Variants in TPRG1 observed in about 807,000 individuals in gnomAD.
TPRG1 encodes tumor protein p63 regulated 1.
In TPRG1, 29 loss-of-function variants were observed where a neutral mutation model predicts 29.3. The observed-to-expected ratio is 0.99, with a 90% confidence interval of 0.74 to 1.35. TPRG1 has a LOEUF of 1.35. Ranked by LOEUF, TPRG1 falls within the 40% of genes most tolerant of loss-of-function variation. The probability of loss-of-function intolerance (pLI) is 0.00; values close to 1 mark genes in which losing one functional copy is unlikely to be tolerated. For synonymous variants in TPRG1, 130 were observed against 116.8 expected, an observed-to-expected ratio of 1.11 and a Z score of -0.73; for missense variants, 327 against 335.0, an observed-to-expected ratio of 0.98 and a Z score of 0.19.
At chr3:189,181,159 C>T (rs1437835029) in intron 1 of TPRG1, among the ~76,000 whole-genome samples, 1 of 152,146 alleles carries the variant, frequency 6.6e-6, no homozygotes, top group African/African-American at 2.4e-5. Flanking sequence ...CACTAAACCA[C>T]TTTTTCCTCT....
At chr3:189,181,796 C>A (rs1730258582) in intron 1 of TPRG1, among the ~76,000 whole-genome samples, 1 of 152,176 alleles carries the variant, frequency 6.6e-6, no homozygotes, top group Non-Finnish European at 1.5e-5. Flanking sequence ...GCACCCTACT[C>A]TACTAGTACC....
chr3:189,231,643 A>G (rs1028939712), intron 3 of TPRG1, among the ~76,000 whole-genome samples: 1 of 152,172 alleles, frequency 6.6e-6, no homozygotes, highest in South Asian at 2.1e-4. Context: ...TGAAAACCAA[A>G]TCTTAGAATG....
chr3:189,173,046 A>G (rs1729015954), intron 1 of TPRG1, among the ~76,000 whole-genome samples: 1 of 152,158 alleles, frequency 6.6e-6, no homozygotes, highest in African/African-American at 2.4e-5. Flanking sequence ...ATAGTATCTC[A>G]TTGTTCTACA....
intron 1 of TPRG1, among the ~76,000 whole-genome samples, chr3:189,172,539 A>G (rs1043385327): frequency 3.3e-5 from 5 of 152,152 alleles, no homozygotes; most frequent in Non-Finnish European, 7.4e-5. Flanking sequence ...TTCCTCTATT[A>G]TAGAACCCAG....
chr3:189,214,435 T>C (rs1412963064), intron 2 of TPRG1, among the ~76,000 whole-genome samples: 1 of 152,146 alleles, frequency 6.6e-6, no homozygotes, highest in African/African-American at 2.4e-5. Flanking sequence ...AGGTTGAGTG[T>C]AGGGAAAATT....
chr3:189,196,406 G>A (rs1385303808), intron 1 of TPRG1, among the ~76,000 whole-genome samples: 1 of 152,128 alleles, frequency 6.6e-6, no homozygotes, highest in South Asian at 2.1e-4. Context: ...CAGAGACTGG[G>A]TAATTTATAA....
chr3:189,191,545 G>A (rs1024895904), intron 1 of TPRG1, among the ~76,000 whole-genome samples: 1 of 152,164 alleles, frequency 6.6e-6, no homozygotes, highest in Non-Finnish European at 1.5e-5. Context: ...CCCAGGTGGA[G>A]TGGAACTGGG....
At chr3:189,109,748 G>A (rs372975172) in intron 1 of TPRG1, among the ~76,000 whole-genome samples, 1 of 151,960 alleles carries the variant, frequency 6.6e-6, no homozygotes, top group Non-Finnish European at 1.5e-5. Context: ...ATGAGTTTTT[G>A]CAAACACCCA....
At chr3:189,137,359 G>A (rs1367520505) in intron 3 of TPRG1, among the ~76,000 whole-genome samples, 1 of 146,914 alleles carries the variant, frequency 6.8e-6, no homozygotes, top group Non-Finnish European at 1.5e-5. Context: ...TTTGGGTGAA[G>A]TGAGCTCTCA....
At chr3:188,997,971 GA>G (rs200253874) in intron 1 of TPRG1, among the ~76,000 whole-genome samples, 7 of 151,080 alleles carry the variant, frequency 4.6e-5, no homozygotes, top group African/African-American at 9.7e-5. Flanking sequence ...CCTTGCCAGA[GA>G]AAAAAAAATT....
At chr3:189,192,166 G>A (rs1027317057) in intron 1 of TPRG1, among the ~76,000 whole-genome samples, 3 of 152,138 alleles carry the variant, frequency 2.0e-5, no homozygotes, top group African/African-American at 4.8e-5. Flanking sequence ...TGCCATTCAT[G>A]TTACATTTCT....
intron 4 of TPRG1, among the ~76,000 whole-genome samples, chr3:189,050,436 G>A (rs1387075008): frequency 2.0e-5 from 3 of 152,080 alleles, no homozygotes; most frequent in African/African-American, 7.2e-5. Flanking sequence ...GGTTTGAAAT[G>A]GTAATTTAAA....
rs551794198 is a variant in TPRG1, at chr3:189,307,303, C to A, written c.480-3083C>A. 3.3e-5 allele frequency among the ~76,000 whole-genome samples: 5 copies of A among 152,322 alleles called. No individual in the cohort carries two copies. In the South Asian group the frequency reaches 1.0e-3, roughly 32 times the overall value. The stretch of plus-strand genomic sequence containing the variant: ...CCTTCCAAAGTGCTGGGATTACAGG[C>A]GTGAGTCACCGCACCTGGCCAAAGA... On this transcript the variant is annotated intron_variant, in intron 4 of 5. Transcript: ENST00000345063.
intron 4 of TPRG1, among the ~76,000 whole-genome samples, chr3:189,258,427 G>A (rs1018419831): frequency 6.6e-6 from 1 of 152,112 alleles, no homozygotes; most frequent in Non-Finnish European, 1.5e-5. Context: ...TCTTGTGTTT[G>A]AGGTGTCTGT....
chr3:189,288,895 G>A (rs902853978), intron 4 of TPRG1, among the ~76,000 whole-genome samples: 4 of 152,240 alleles, frequency 2.6e-5, no homozygotes, highest in Non-Finnish European at 5.9e-5. Context: ...CAAGATTCCA[G>A]CTTGTTATGA....
intron 2 of TPRG1, among the ~76,000 whole-genome samples, chr3:189,208,880 A>G (rs552472265): frequency 2.0e-5 from 3 of 152,206 alleles, no homozygotes; most frequent in Non-Finnish European, 4.4e-5. Context: ...AGCTGATGCA[A>G]TTATGAGAGC....
intron 4 of TPRG1, among the ~76,000 whole-genome samples, chr3:189,052,106 A>T (rs989015272): frequency 2.0e-5 from 3 of 152,270 alleles, no homozygotes; most frequent in African/African-American, 7.2e-5. Context: ...GGACCTAATT[A>T]AACTAAAGAG....
intron 4 of TPRG1, among the ~76,000 whole-genome samples, chr3:189,272,719 CCT>C (rs770013078): frequency 0.15 from 18,226 of 117,750 alleles, 1,366 homozygotes; most frequent in African/African-American, 0.27. Context: ...CTTTCTCCTT[CCT>C]TCCTTCCTTC....
chr3:189,056,361 G>A (rs1404289862), intron 4 of TPRG1, among the ~76,000 whole-genome samples: 3 of 152,138 alleles, frequency 2.0e-5, no homozygotes, highest in African/African-American at 4.8e-5. Context: ...CTCCCAAAGT[G>A]TTGAGATTAC....
Sources: allele counts gnomAD v4.1 joint callset (sites outside exome capture counted in the v4.1 genomes callset), GRCh38; gene constraint gnomAD v4.1.1; transcripts MANE v1.5; gene names NCBI Gene and HGNC (gene_info 2026-07-23, HGNC 2026-07-21).